The following ARHGAP12 variants were observed in gnomAD, a reference collection of about 807,000 sequenced individuals.
ARHGAP12 encodes rho GTPase-activating protein 12.
A neutral mutation model predicts 108.6 loss-of-function variants in ARHGAP12; 64 were observed. That is an observed-to-expected ratio of 0.59 (90% CI 0.48 to 0.73). ARHGAP12 has a LOEUF of 0.73. Among genes scored for constraint, ARHGAP12 ranks in the 30% least tolerant of loss-of-function variants. ARHGAP12 has a pLI of 0.00. For synonymous variants in ARHGAP12, 312 were observed against 337.2 expected, an observed-to-expected ratio of 0.93 and a Z score of 0.82; for missense variants, 940 against 1,005.9, an observed-to-expected ratio of 0.93 and a Z score of 0.89.
chr10:31,911,015 T>C (rs1185458219), intron 1 of ARHGAP12, among the ~76,000 whole-genome samples: 1 of 152,124 alleles, frequency 6.6e-6, no homozygotes, highest in Non-Finnish European at 1.5e-5. Context: ...AATTATTTTA[T>C]TTATTTTTTT....
chr10:31,891,226 A>C (rs1056738405), intron 3 of ARHGAP12, among the ~76,000 whole-genome samples: 3 of 152,214 alleles, frequency 2.0e-5, no homozygotes, highest in Admixed American at 2.0e-4. Context: ...GAAATGTGTT[A>C]GTTTATCATC....
intron 3 of ARHGAP12, among the ~76,000 whole-genome samples, chr10:31,877,862 C>G (rs568713734): frequency 6.6e-6 from 1 of 152,118 alleles, no homozygotes; most frequent in Non-Finnish European, 1.5e-5. Flanking sequence ...GAAGTCAAGG[C>G]GGGCACATAG....
chr10:31,812,538 CT>C, intron 15 of ARHGAP12, 168 bp downstream of exon 15: 2 of 452,984 alleles, frequency 4.4e-6, no homozygotes, highest in Non-Finnish European at 7.6e-6. Flanking sequence ...TTAAAATAAA[CT>C]TTCAAAAAAA....
intron 5 of ARHGAP12, among the ~76,000 whole-genome samples, chr10:31,853,189 C>T (rs1027492014): frequency 2.0e-5 from 3 of 152,134 alleles, no homozygotes; most frequent in South Asian, 2.1e-4. Flanking sequence ...ATATAACATA[C>T]GATGTACATA....
intron 3 of ARHGAP12, among the ~76,000 whole-genome samples, chr10:31,905,432 T>C (rs187676597): frequency 6.6e-6 from 1 of 152,296 alleles, no homozygotes; most frequent in Non-Finnish European, 1.5e-5. Flanking sequence ...ACCATGAGTA[T>C]CTTTAGCAGA....
At chr10:31,858,632 G>A (rs748482970) in intron 4 of ARHGAP12, among the ~76,000 whole-genome samples, 1 of 152,054 alleles carries the variant, frequency 6.6e-6, no homozygotes, top group Non-Finnish European at 1.5e-5. Context: ...ACAAGTCTTC[G>A]GACTTTACCA....
intron 1 of ARHGAP12, among the ~76,000 whole-genome samples, chr10:31,912,562 G>C (rs77001524): frequency 6.6e-6 from 1 of 152,174 alleles, no homozygotes; most frequent in Non-Finnish European, 1.5e-5. Flanking sequence ...TGTTCAACAT[G>C]AGACATCCAA....
In ARHGAP12 at chr10:31,877,502, A is replaced by G. The variant is rs892046894; in HGVS notation, c.685-15844T>C. Reference sequence around the variant, plus strand: ...CACTCCTTCTCACTTGATTGTGTATAAAGAACAGCTGGCTAGTAAGCTATT... The same window carrying G: ...CACTCCTTCTCACTTGATTGTGTATGAAGAACAGCTGGCTAGTAAGCTATT... On this transcript the variant is annotated intron_variant, in intron 3 of 19. Transcript: ENST00000344936. Among the ~76,000 whole-genome samples, 3 of 152,224 alleles carry G rather than the reference A, an allele frequency of 2.0e-5. No individual in the cohort carries two copies. In the East Asian group the frequency reaches 5.8e-4, roughly 29 times the overall value.
intron 3 of ARHGAP12, among the ~76,000 whole-genome samples, chr10:31,872,865 T>G (rs1399134746): frequency 6.6e-6 from 1 of 152,202 alleles, no homozygotes; most frequent in Non-Finnish European, 1.5e-5. Flanking sequence ...CCCATACTAC[T>G]CATAATTCTA....
At chr10:31,839,164 T>C (rs753209676) in intron 9 of ARHGAP12, 141 bp downstream of exon 9, 7 of 805,254 alleles carry the variant, frequency 8.7e-6, no homozygotes, top group Non-Finnish European at 1.3e-5. Context: ...AGAAGTCACA[T>C]GGAGGTTTTC....
chr10:31,830,042 T>C (rs1049271886), intron 10 of ARHGAP12, among the ~76,000 whole-genome samples: 65 of 152,324 alleles, frequency 4.3e-4, no homozygotes, highest in African/African-American at 1.4e-3. Context: ...TCTCTTCTCA[T>C]GGAAATTTTT....
rs567660518 is a variant in ARHGAP12 at position 31,909,774 on chromosome 10, T to C, written c.-72+751A>G. ...AGCTGGGTGTGGTGGCATGCACCTG[T>C]AGTCCCAGCTACTTGGGAAGCTGAG... is the stretch of plus-strand genomic sequence containing the variant. On this transcript the variant is annotated intron_variant, in intron 2 of 19. Coordinates refer to ENST00000344936, the MANE Select transcript of ARHGAP12 (RefSeq NM_018287.7). 3.5e-4 allele frequency among the ~76,000 whole-genome samples: 53 copies of C among 152,258 alleles called. No homozygotes were observed. The South Asian group carries it at 0.01, about 29-fold the overall frequency.
Position 31,908,154 on chromosome 10 carries a change from T to C in ARHGAP12, c.684+18A>G, listed in dbSNP as rs749638346. ...ACTAGGGTGGTACAGTGTTTCCTCA[T>C]TCTATTTTTAATCTTACCCTTATCT... On this transcript the variant is annotated intron_variant, in intron 3 of 19. Transcript: ENST00000344936. 1.3e-6 allele frequency: 2 copies of C among 1,542,470 alleles called. No homozygotes were observed. The highest frequency in any genetic ancestry group is 2.5e-5 in the South Asian group (2 of 78,644).
chr10:31,817,663 C>G (rs1377014936), intron 13 of ARHGAP12, 125 bp downstream of exon 13: 10 of 558,684 alleles, frequency 1.8e-5, no homozygotes, highest in Non-Finnish European at 2.7e-5. Context: ...TTTTTTCCAT[C>G]TCTGTCAAAC....
chr10:31,920,140 A>G (rs1186385878), intron 1 of ARHGAP12, among the ~76,000 whole-genome samples: 1 of 150,950 alleles, frequency 6.6e-6, no homozygotes, highest in Non-Finnish European at 1.5e-5. Flanking sequence ...AAAAGCAAAC[A>G]AACATTCAAA....
At chr10:31,864,634 A>G (rs1378839909) in intron 3 of ARHGAP12, among the ~76,000 whole-genome samples, 4 of 152,224 alleles carry the variant, frequency 2.6e-5, no homozygotes, top group Admixed American at 2.0e-4. Flanking sequence ...ATCTCCTCCA[A>G]AAAAGGAAAA....
intron 3 of ARHGAP12, 85 bp downstream of exon 3, chr10:31,908,087 A>C: frequency 1.5e-6 from 2 of 1,315,686 alleles, no homozygotes. Context: ...ACAAGTCTTA[A>C]CTCTTACAAA....
intron 3 of ARHGAP12, among the ~76,000 whole-genome samples, chr10:31,876,770 T>C (rs1837748218): frequency 6.6e-6 from 1 of 152,160 alleles, no homozygotes; most frequent in Non-Finnish European, 1.5e-5. Context: ...AAAATTCACC[T>C]AGTAGGTATA....
chr10:31,872,093 C>T lies in ARHGAP12; in HGVS notation c.685-10435G>A, dbSNP rs149392256. The stretch of plus-strand genomic sequence containing the variant: ...TTCTCTTTAAGGCAGAAACATTTGT[C>T]TTGTTTGTCTCTTCATCTTCAGAGC... On this transcript the variant is annotated intron_variant, in intron 3 of 19. Transcript: ENST00000344936. Among the ~76,000 whole-genome samples the T allele has an allele frequency of 3.1e-3, 474 of 152,256 alleles. 4 individuals carry two copies. The highest frequency in any genetic ancestry group is 0.014 in the Middle Eastern group (4 of 294).
Sources: gnomAD v4.1 joint callset for allele counts (sites outside exome capture counted in the v4.1 genomes callset) on GRCh38, gnomAD v4.1.1 for gene constraint, MANE v1.5 for transcripts, NCBI Gene and HGNC (gene_info 2026-07-23, HGNC 2026-07-21) for gene names.